The following DPP10 variants were observed in gnomAD, a reference collection of about 807,000 sequenced individuals.
DPP10 encodes dipeptidyl peptidase like 10, also known as inactive dipeptidyl peptidase 10.
DPP10 carries 33 observed loss-of-function variants against 120.9 expected under a neutral mutation model. That is an observed-to-expected ratio of 0.27 (90% CI 0.21 to 0.37). DPP10 has a LOEUF of 0.37. Ranked by LOEUF, DPP10 falls within the 10% of genes least tolerant of loss-of-function variation. The pLI is 1.00. For missense variants in DPP10, 816 were observed against 942.8 expected, an observed-to-expected ratio of 0.87 and a Z score of 1.76; for synonymous variants, 337 against 326.1, an observed-to-expected ratio of 1.03 and a Z score of -0.36.
intron 1 of DPP10, among the ~76,000 whole-genome samples, chr2:115,063,671 A>T (rs1706600821): frequency 6.6e-6 from 1 of 152,336 alleles, no homozygotes; most frequent in South Asian, 2.1e-4. Context: ...TGGGGAAAGG[A>T]TTCCCTGTTT....
At chr2:115,596,671 G>A (rs1433201755) in intron 5 of DPP10, among the ~76,000 whole-genome samples, 1 of 152,094 alleles carries the variant, frequency 6.6e-6, no homozygotes, top group Non-Finnish European at 1.5e-5. Flanking sequence ...ATATCTTAGA[G>A]TACAAAGGTA....
intron 1 of DPP10, among the ~76,000 whole-genome samples, chr2:114,698,091 G>A (rs1700172670): frequency 6.6e-6 from 1 of 152,188 alleles, no homozygotes; most frequent in East Asian, 1.9e-4. Flanking sequence ...TTAGTGTACA[G>A]ATAGGTACCC....
chr2:115,090,172 C>T (rs1158537060), intron 1 of DPP10, among the ~76,000 whole-genome samples: 1 of 151,982 alleles, frequency 6.6e-6, no homozygotes, highest in Non-Finnish European at 1.5e-5. Context: ...CAAATGTTCA[C>T]ATCTTTTTAA....
chr2:115,687,405 A>G (rs1657502074), intron 5 of DPP10, among the ~76,000 whole-genome samples: 1 of 151,990 alleles, frequency 6.6e-6, no homozygotes, highest in Admixed American at 6.6e-5. Context: ...TTTGGAGGAA[A>G]GTGTTCTAAA....
intron 1 of DPP10, among the ~76,000 whole-genome samples, chr2:114,514,522 G>A (rs1382482999): frequency 6.6e-6 from 1 of 152,128 alleles, no homozygotes; most frequent in Non-Finnish European, 1.5e-5. Context: ...AGGAATTTAA[G>A]TTATTTTGAG....
intron 1 of DPP10, among the ~76,000 whole-genome samples, chr2:115,140,926 G>GAA (rs372992316): frequency 0.15 from 19,937 of 137,384 alleles, 1,574 homozygotes; most frequent in East Asian, 0.17. Context: ...TGCTTATCTT[G>GAA]AAAAAAAAAA....
chr2:115,238,963 C>T (rs555197876), intron 1 of DPP10, among the ~76,000 whole-genome samples: 64 of 152,174 alleles, frequency 4.2e-4, no homozygotes, highest in Admixed American at 9.2e-4. Context: ...ACTTGGAGTC[C>T]GATTTTCAAG....
At chr2:114,975,100 C>T (rs532813541) in intron 1 of DPP10, among the ~76,000 whole-genome samples, 11 of 150,412 alleles carry the variant, frequency 7.3e-5, no homozygotes, top group African/African-American at 9.8e-5. Context: ...AGTGCAATGG[C>T]GCGATCTCAG....
chr2:114,582,640 G>A (rs561020760), intron 1 of DPP10, among the ~76,000 whole-genome samples: 12 of 152,278 alleles, frequency 7.9e-5, no homozygotes, highest in South Asian at 2.1e-4. Context: ...ATTCTAGTGC[G>A]TATGTAGTAG....
At chr2:115,589,729 G>A (rs2149165912) in intron 5 of DPP10, among the ~76,000 whole-genome samples, 1 of 152,216 alleles carries the variant, frequency 6.6e-6, no homozygotes, top group South Asian at 2.1e-4. Flanking sequence ...GAATACCAAA[G>A]CTCAGAAACA....
At chr2:114,867,079 A>G (rs1690301657) in intron 1 of DPP10, among the ~76,000 whole-genome samples, 3 of 152,180 alleles carry the variant, frequency 2.0e-5, no homozygotes, top group Non-Finnish European at 4.4e-5. Context: ...TACAGGACTC[A>G]TTACATTTCT....
intron 1 of DPP10, chr2:115,161,688 TC>T (rs2052374737): frequency 2.8e-6 from 1 of 356,132 alleles, no homozygotes; most frequent in South Asian, 8.2e-5. Context: ...TGGTCTCGCC[TC>T]GCCGCCGCGG....
chr2:114,753,934 A>G (rs527991957), intron 1 of DPP10, among the ~76,000 whole-genome samples: 2 of 149,580 alleles, frequency 1.3e-5, no homozygotes, highest in South Asian at 2.1e-4. Flanking sequence ...AAAAAAAAAG[A>G]AAAGAAATAT....
chr2:115,607,576 T>C (rs967493814), intron 5 of DPP10, among the ~76,000 whole-genome samples: 1 of 152,228 alleles, frequency 6.6e-6, no homozygotes, highest in African/African-American at 2.4e-5. Context: ...AATTGTTCTA[T>C]TGCATTCTTT....
At chr2:114,563,184 C>A (rs567849282) in intron 1 of DPP10, among the ~76,000 whole-genome samples, 30 of 152,254 alleles carry the variant, frequency 2.0e-4, no homozygotes, top group South Asian at 1.5e-3. Flanking sequence ...CCATCCTGGC[C>A]AACATGGTGA....
chr2:114,630,585 A>G (rs1694847168), intron 1 of DPP10, among the ~76,000 whole-genome samples: 1 of 152,112 alleles, frequency 6.6e-6, no homozygotes. Flanking sequence ...TTAAACCCCA[A>G]GAGAATAGCT....
chr2:115,146,464 CT>C (rs1355967899), intron 1 of DPP10, among the ~76,000 whole-genome samples: 1 of 151,704 alleles, frequency 6.6e-6, no homozygotes, highest in Admixed American at 6.6e-5. Flanking sequence ...ATAAATTATA[CT>C]AAAAACATTG....
intron 1 of DPP10, among the ~76,000 whole-genome samples, chr2:114,633,405 T>C (rs72953562): frequency 0.11 from 16,381 of 149,846 alleles, 1,330 homozygotes; most frequent in African/African-American, 0.21. Flanking sequence ...GCATGCACCA[T>C]CACATCCAGC....
intron 1 of DPP10, among the ~76,000 whole-genome samples, chr2:114,729,603 C>T (rs1032395749): frequency 6.6e-6 from 1 of 152,196 alleles, no homozygotes; most frequent in South Asian, 2.1e-4. Context: ...ACTAGTTTTC[C>T]AGCCTCCCCT....
Sources: gnomAD v4.1 joint callset for allele counts (sites outside exome capture counted in the v4.1 genomes callset) on GRCh38, gnomAD v4.1.1 for gene constraint, MANE v1.5 for transcripts, NCBI Gene and HGNC (gene_info 2026-07-23, HGNC 2026-07-21) for gene names.